FLACC1: variants seen among roughly 807,000 people sequenced by gnomAD.
FLACC1 encodes flagellum-associated coiled-coil domain-containing protein 1.
In FLACC1, 66 loss-of-function variants were observed where a neutral mutation model predicts 62.8. The observed-to-expected ratio is 1.05, with a 90% CI of 0.86 to 1.29. The LOEUF is 1.29. Ranked by LOEUF, FLACC1 falls within the 50% of genes most tolerant of loss-of-function variation. The pLI, the probability that FLACC1 is intolerant of heterozygous loss-of-function variation, is 0.00. For synonymous variants in FLACC1, 156 were observed against 161.0 expected, an observed-to-expected ratio of 0.97 and a Z score of 0.24; for missense variants, 452 against 489.1, an observed-to-expected ratio of 0.92 and a Z score of 0.71.
chr2:201,359,091 G>A (rs767052674), upstream of FLACC1, among the ~76,000 whole-genome samples: 3 of 152,222 alleles, frequency 2.0e-5, no homozygotes, highest in Non-Finnish European at 4.4e-5. Context: ...CCTGACTGAG[G>A]AGCAGCAGTG....
At position 201,310,153 on chromosome 2, in the gene FLACC1, C is replaced by T. The variant is rs542760046; in HGVS notation, c.676-903G>A. 3.1e-4 allele frequency among the ~76,000 whole-genome samples: 47 copies of T among 152,026 alleles called. 1 individual carries two copies. Among genetic ancestry groups the T allele is most frequent in the Admixed American group, 9.2e-4 (14 of 15,244 alleles). ...GGATGACACTAGTAGGGTCCAAGGA[C>T]GCTGACTGCCTTATTTTTCAGGTTA... On this transcript the variant is annotated intron_variant, in intron 9 of 14. Coordinates refer to ENST00000392257, the MANE Select transcript of FLACC1 (RefSeq NM_001127391.3).
At chr2:201,361,611 T>C (rs146507587), upstream of FLACC1, among the ~76,000 whole-genome samples, 1,972 of 152,300 alleles carry the variant, frequency 0.013, 19 homozygotes, top group Middle Eastern at 0.041. Flanking sequence ...ACATGAAGCC[T>C]GGTACCAACT....
intron 9 of FLACC1, among the ~76,000 whole-genome samples, chr2:201,320,652 C>T (rs1257941569): frequency 6.6e-6 from 1 of 152,190 alleles, no homozygotes; most frequent in Non-Finnish European, 1.5e-5. Flanking sequence ...CCACTCCCAT[C>T]CCCTGGCTTC....
At chr2:201,318,907 C>T (rs1233408226) in intron 9 of FLACC1, among the ~76,000 whole-genome samples, 1 of 151,272 alleles carries the variant, frequency 6.6e-6, no homozygotes, top group Non-Finnish European at 1.5e-5. Flanking sequence ...GATGCAAAGG[C>T]ATAAGAATAA....
upstream of FLACC1, among the ~76,000 whole-genome samples, chr2:201,359,201 TG>T (rs1413325031): frequency 6.6e-6 from 1 of 152,124 alleles, no homozygotes; most frequent in Admixed American, 6.5e-5. Flanking sequence ...CTCGAGCAAT[TG>T]AGTTGACCGT....
rs1950572021 is a variant in FLACC1 at position 201,330,529 on chromosome 2, A to G, written c.623-7T>C. ...TATTCTTTTCCCATCTCCTCTGGAT[A>G]AAAGGAAAACAACAGGATCATCATT... On this transcript the variant is annotated splice_polypyrimidine_tract_variant and splice_region_variant and intron_variant, in intron 8 of 14. Coordinates refer to ENST00000392257, the MANE Select transcript of FLACC1 (RefSeq NM_001127391.3). 1 of 1,613,212 alleles carries G rather than the reference A, an allele frequency of 6.2e-7. No individual in the cohort carries two copies. Among genetic ancestry groups the G allele is most frequent in the Non-Finnish European group, 8.5e-7 (1 of 1,179,518 alleles).
intron 9 of FLACC1, among the ~76,000 whole-genome samples, chr2:201,315,473 T>C (rs1409605588): frequency 6.6e-6 from 1 of 152,170 alleles, no homozygotes; most frequent in Non-Finnish European, 1.5e-5. Flanking sequence ...CATTATATAA[T>C]GGTAAAAGGC....
chr2:201,301,306 C>T (rs911876153), intron 11 of FLACC1, among the ~76,000 whole-genome samples: 8 of 151,656 alleles, frequency 5.3e-5, no homozygotes, highest in African/African-American at 1.7e-4. Flanking sequence ...GTAGCTGATT[C>T]GATCAAGTGG....
At chr2:201,313,606 C>A (rs758343015) in intron 9 of FLACC1, among the ~76,000 whole-genome samples, 1 of 152,252 alleles carries the variant, frequency 6.6e-6, no homozygotes, top group South Asian at 2.1e-4. Context: ...CTGCCCCAAC[C>A]TGATGGTCCT....
Position 201,346,622 on chromosome 2 carries a change from A to T in FLACC1, c.288T>A (p.Ile96=). The change falls in exon 5 of 15, where the codon ATT becomes ATA. Residue 96 remains isoleucine (I), a synonymous_variant. Transcript: ENST00000392257. The surrounding 1 kb of genome is among the most constrained non-coding windows in gnomAD (Gnocchi z 4.0). ...GYQLVRNREQ[I]SVTLGDEMFD... ...ACATCTCATCCCCTAAGGTGACAGA[A>T]ATCTGTTCCCGATTCCGAACAAGTT... The T allele has an allele frequency of 6.2e-7, 1 of 1,614,222 alleles. No individual in the cohort carries two copies. The highest frequency in any genetic ancestry group is 8.5e-7 in the Non-Finnish European group (1 of 1,180,034).
chr2:201,331,552 A>C (rs1950594665), intron 7 of FLACC1, among the ~76,000 whole-genome samples: 1 of 152,212 alleles, frequency 6.6e-6, no homozygotes, highest in African/African-American at 2.4e-5. Flanking sequence ...TCAAGCATGA[A>C]AAGACATGGA....
At chr2:201,341,240 C>A (rs1026811556) in intron 7 of FLACC1, among the ~76,000 whole-genome samples, 3 of 152,038 alleles carry the variant, frequency 2.0e-5, no homozygotes, top group African/African-American at 7.2e-5. Flanking sequence ...AGAGTGCTAT[C>A]TCTCCACCAG....
rs747301306 is a variant in FLACC1 at position 201,288,784 on chromosome 2, G to A, written c.1143-3C>T. On this transcript the variant is annotated splice_region_variant and splice_polypyrimidine_tract_variant and intron_variant, in intron 14 of 14. Transcript: ENST00000392257. Reference sequence around the variant, plus strand: ...CATTCTTAGAAATTATCTTTTGCCTGTAAAAAGAAAGGAAAGATGTATCAA... The same window carrying A: ...CATTCTTAGAAATTATCTTTTGCCTATAAAAAGAAAGGAAAGATGTATCAA... The A allele has an allele frequency of 3.1e-6, 5 of 1,612,620 alleles. No homozygotes were observed. Among genetic ancestry groups the A allele is most frequent in the Admixed American group, 3.3e-5 (2 of 59,918 alleles).
chr2:201,329,151 TAA>T (rs1950546985), intron 9 of FLACC1, among the ~76,000 whole-genome samples: 1 of 152,126 alleles, frequency 6.6e-6, no homozygotes, highest in Non-Finnish European at 1.5e-5. Context: ...TAATAGTGTG[TAA>T]AAAACAAGAA....
chr2:201,348,766 T>C (rs2125620744), intron 3 of FLACC1, among the ~76,000 whole-genome samples: 1 of 152,208 alleles, frequency 6.6e-6, no homozygotes, highest in Non-Finnish European at 1.5e-5. Context: ...AAGATACAAA[T>C]GTTGAAGTTA....
chr2:201,324,007 A>T (rs1950457255), intron 9 of FLACC1, among the ~76,000 whole-genome samples: 2 of 152,124 alleles, frequency 1.3e-5, no homozygotes, highest in Non-Finnish European at 2.9e-5. Flanking sequence ...TTCACATCTC[A>T]ATATTAATGT....
intron 9 of FLACC1, among the ~76,000 whole-genome samples, chr2:201,322,328 G>T (rs1020689336): frequency 6.6e-6 from 1 of 151,648 alleles, no homozygotes; most frequent in Non-Finnish European, 1.5e-5. Flanking sequence ...TGCCACAGGG[G>T]AATGAGATAA....
At chr2:201,293,199 C>T (rs563671022) in intron 12 of FLACC1, among the ~76,000 whole-genome samples, 71 of 152,294 alleles carry the variant, frequency 4.7e-4, no homozygotes, top group African/African-American at 1.6e-3. Context: ...AACTCTCCAC[C>T]CCAAATGAAC....
rs1378621593 is a variant in FLACC1, at chr2:201,346,463, G to A, written c.368+79C>T. ...CAGTGGCCTGGGTGTGGGCATAGCGGCTTTGGCTTGTCCCTGAGGCCGGGC... is the reference window on the plus strand; with the variant it reads ...CAGTGGCCTGGGTGTGGGCATAGCGACTTTGGCTTGTCCCTGAGGCCGGGC... On this transcript the variant is annotated intron_variant, in intron 5 of 14. Transcript: ENST00000392257. The surrounding 1 kb of genome is among the most constrained non-coding windows in gnomAD (Gnocchi z 4.0). 6.3e-6 allele frequency: 10 copies of A among 1,585,100 alleles called. No homozygotes were observed. In the Admixed American group the frequency reaches 1.7e-4, roughly 27 times the overall value.
Sources: gnomAD v4.1 joint callset for allele counts (sites outside exome capture counted in the v4.1 genomes callset) on GRCh38, gnomAD v4.1.1 for gene constraint, Gnocchi (gnomAD v3.1) non-coding constraint, MANE v1.5 for transcripts, NCBI Gene and HGNC (gene_info 2026-07-23, HGNC 2026-07-21) for gene names.